AATK: variants seen among roughly 807,000 people sequenced by gnomAD.
The protein encoded by AATK is lemur tail kinase 1, also known as serine/threonine-protein kinase LMTK1.
AATK carries 91 observed loss-of-function variants against 114.3 expected under a neutral mutation model. That is an observed-to-expected ratio of 0.80 (90% CI 0.67 to 0.95). AATK has a LOEUF of 0.95. AATK is among the 40% of genes least tolerant of loss of function. AATK has a pLI of 0.00. For synonymous variants in AATK, 1,075 were observed against 916.5 expected (o/e 1.17, Z -3.12); for missense variants, 2,176 against 1,965.2 (o/e 1.11, Z -2.03).
chr17:81,147,587 T>A (rs2061238996), intron 1 of AATK, among the ~76,000 whole-genome samples: 2 of 151,618 alleles, frequency 1.3e-5, no homozygotes, highest in South Asian at 2.1e-4. Flanking sequence ...AAACCCCATT[T>A]AAAAAATAAA....
chr17:81,154,319 CTTT>C (rs202002919), intron 1 of AATK, among the ~76,000 whole-genome samples: 31,106 of 112,744 alleles, frequency 0.28, 3,251 homozygotes, highest in Middle Eastern at 0.41. Context: ...TTTTTTCTTT[CTTT>C]TTTTTTTTTT....
Position 81,120,008 on chromosome 17 carries a change from G to A in AATK, c.3811C>T (p.Pro1271Ser), listed in dbSNP as rs750238800. 4.1e-6 allele frequency: 6 copies of A among 1,448,544 alleles called. No individual in the cohort carries two copies. Among genetic ancestry groups the A allele is most frequent in the Non-Finnish European group, 5.5e-6 (6 of 1,100,514 alleles). 89.7% of individuals were successfully genotyped at this position (1,448,544 alleles called of 1,614,324 possible). A position where few individuals can be genotyped will look rare whatever the true frequency, so the allele number is the denominator to read the frequency against. ...CGGTTGGGGGCGCTGGGAGAGCCGG[G>A]GCTCCCCCTAAGGAACGTAGGGGGC... is the stretch of plus-strand genomic sequence containing the variant. ...ESPPTFLRGSPGSPSAPNRPQ... is the reference protein window; with the variant it reads ...ESPPTFLRGSSGSPSAPNRPQ... The change falls in exon 12 of 14, where the codon CCC (proline) becomes TCC (serine). Residue 1271 changes from proline to serine, a missense_variant. By Grantham distance (74) the Pro-to-Ser change is moderately conservative (BLOSUM62 -1). Coordinates refer to ENST00000326724, the MANE Select transcript of AATK (RefSeq NM_001080395.3).
chr17:81,137,988 GCA>G (rs925625833), intron 1 of AATK, among the ~76,000 whole-genome samples: 6 of 143,966 alleles, frequency 4.2e-5, no homozygotes, highest in African/African-American at 1.6e-4. Flanking sequence ...CCACACGCGT[GCA>G]CACACCCCCA....
At chr17:81,144,543 G>A (rs927488213) in intron 1 of AATK, among the ~76,000 whole-genome samples, 12 of 152,230 alleles carry the variant, frequency 7.9e-5, no homozygotes, top group South Asian at 6.2e-4. Context: ...CAGGGGGCCC[G>A]CAGGAGCCCA....
chr17:81,154,986 C>T (rs1326681021), intron 1 of AATK, among the ~76,000 whole-genome samples: 1 of 152,168 alleles, frequency 6.6e-6, no homozygotes, highest in East Asian at 1.9e-4. Flanking sequence ...GTGCTCTGTG[C>T]TTCATCTCCA....
chr17:81,162,624 C>T (rs1312131809), intron 1 of AATK, among the ~76,000 whole-genome samples: 2 of 152,166 alleles, frequency 1.3e-5, no homozygotes, highest in African/African-American at 4.8e-5. Context: ...CCTCCTCTGC[C>T]CTCTCCCCAT....
chr17:81,153,311 T>C (rs1480646793), intron 1 of AATK, among the ~76,000 whole-genome samples: 1 of 152,208 alleles, frequency 6.6e-6, no homozygotes, highest in African/African-American at 2.4e-5. Context: ...TGGATTTCAA[T>C]AGAGTCCCCA....
intron 1 of AATK, among the ~76,000 whole-genome samples, chr17:81,144,767 CTTAGA>C (rs1255682556): frequency 6.6e-6 from 1 of 152,216 alleles, no homozygotes; most frequent in African/African-American, 2.4e-5. Context: ...AAGACACTGC[CTTAGA>C]TGAAGCTCCC....
rs749746659 is a variant in AATK, at chr17:81,123,263, G to T, written c.1043C>A (p.Ala348Glu). 1 of 1,406,540 alleles carries T rather than the reference G, an allele frequency of 7.1e-7. No individual in the cohort carries two copies. The highest frequency in any genetic ancestry group is 1.5e-5 in the African/African-American group (1 of 66,144). 87.1% of individuals were successfully genotyped at this position (1,406,540 alleles called of 1,614,324 possible). A position where few individuals can be genotyped will look rare whatever the true frequency, so the allele number is the denominator to read the frequency against. The change falls in exon 10 of 14, where the codon GCG (alanine) becomes GAG (glutamate). Residue 348 changes from alanine to glutamate, a missense_variant. Ala to Glu is a moderately radical substitution (Grantham distance 107). This residue lies in a region of AATK where 273 missense variants were observed against 344.1 expected (regional missense o/e 0.79). Coordinates refer to ENST00000326724, the MANE Select transcript of AATK (RefSeq NM_001080395.3). ...GAGCTGCTGCTCCCGGACCGTGTAC[G>T]CCAGCACCTGCTGGTCCGAGTGCTG... ...YPQHSDQQVL[A>E]YTVREQQLKL...
chr17:81,125,780 C>T (rs1337132675), intron 7 of AATK: 8 of 400,770 alleles, frequency 2.0e-5, no homozygotes, highest in Non-Finnish European at 4.1e-5. Context: ...GGGATCGCTA[C>T]AGGGCCATGT....
At chr17:81,135,780 C>G (rs190083557) in intron 1 of AATK, 1 of 152,386 alleles carries the variant, frequency 6.6e-6, no homozygotes, top group East Asian at 1.9e-4. Context: ...TCCCCACACA[C>G]GAGGAAGAGG....
intron 1 of AATK, among the ~76,000 whole-genome samples, chr17:81,157,237 A>G (rs2146410072): frequency 6.6e-6 from 1 of 152,288 alleles, no homozygotes; most frequent in South Asian, 2.1e-4. Context: ...GAGAGGCCAC[A>G]TAAAATGTAA....
rs183928912 is a variant in AATK, at chr17:81,151,487, C to T, written c.55+14451G>A. Among the ~76,000 whole-genome samples, 677 of 152,202 alleles carry T rather than the reference C, an allele frequency of 4.4e-3. 3 individuals are homozygous for T. Among genetic ancestry groups the T allele is most frequent in the Middle Eastern group, 0.031 (9 of 294 alleles). On this transcript the variant is annotated intron_variant, in intron 1 of 13. Transcript: ENST00000326724. ...ATCCGAGGGGCAGCAGGCCACCTGA[C>T]GCCAGGCCCCCACGCGACCCAGTTC...
At position 81,122,598 on chromosome 17, in the gene AATK, G is replaced by A; in HGVS notation, c.1338C>T (p.Ser446=). ...CCGCGAACTGCTCCAGCAGCGGGAA[G>A]GACGAGGCAGCGGCGAGCTCCACCA... ...GGVVELAAAS[S]FPLLEQFAGD... is the part of the protein sequence containing the mutation. The change falls in exon 11 of 14, where the codon TCC becomes TCT. Residue 446 remains serine (S), a synonymous_variant. Coordinates refer to ENST00000326724, the MANE Select transcript of AATK (RefSeq NM_001080395.3). 1.4e-6 allele frequency: 2 copies of A among 1,433,880 alleles called. No individual in the cohort carries two copies. The highest frequency in any genetic ancestry group is 3.3e-5 in the East Asian group (1 of 30,430). The allele number at this position is 1,433,880 out of a possible 1,614,324, so 88.8% of individuals were successfully genotyped here.
chr17:81,129,954 C>T, intron 3 of AATK, among the ~76,000 whole-genome samples: 1 of 152,264 alleles, frequency 6.6e-6, no homozygotes, highest in East Asian at 1.9e-4. Flanking sequence ...CAGAGTAGGA[C>T]AGGCGTTGAG....
rs2060709386 is a variant in AATK, at chr17:81,122,275, G to A, written c.1661C>T (p.Pro554Leu). The A allele has an allele frequency of 5.3e-6, 8 of 1,498,876 alleles. No individual in the cohort carries two copies. The highest frequency in any genetic ancestry group is 1.8e-4 in the Middle Eastern group (1 of 5,498). The allele number at this position is 1,498,876 out of a possible 1,614,324, so 92.8% of individuals were successfully genotyped here. Residue 554 changes from proline to leucine, a missense_variant, in exon 11 of 14, where the codon CCA becomes CTA. Pro to Leu is a moderately conservative substitution (Grantham distance 98). Coordinates refer to ENST00000326724, the MANE Select transcript of AATK (RefSeq NM_001080395.3). ...GTCGTCCTGGTCCGCGGTGGCAGGT[G>A]GACTGGGGGCGCAGCCGGCGCAGTC... is the stretch of plus-strand genomic sequence containing the variant. ...DPDCAGCAPS[P>L]PATADQDDDS...
rs537662715 is a variant in AATK, at chr17:81,118,753, G to C, written c.4085-311C>G. ...ACCTGCCTGCTTGTTCAGCCACACA[G>C]GGGGCACCCTGCACCAGGGGTGAGG... is the stretch of plus-strand genomic sequence containing the variant. On this transcript the variant is annotated intron_variant, in intron 13 of 13. Transcript: ENST00000326724. 2.0e-5 allele frequency among the ~76,000 whole-genome samples: 3 copies of C among 152,210 alleles called. No individual in the cohort carries two copies. The East Asian group carries it at 5.8e-4, about 29-fold the overall frequency.
At chr17:81,157,254 G>A (rs1010401784) in intron 1 of AATK, among the ~76,000 whole-genome samples, 4 of 152,190 alleles carry the variant, frequency 2.6e-5, no homozygotes, top group Non-Finnish European at 5.9e-5. Context: ...GTAAGCTTCC[G>A]GGACAAGCCC....
intron 9 of AATK, among the ~76,000 whole-genome samples, chr17:81,123,739 G>A (rs1258771093): frequency 6.6e-6 from 1 of 151,752 alleles, no homozygotes; most frequent in East Asian, 2.0e-4. Context: ...GGAGGGGGAG[G>A]GAGGGGGAAG....
Sources: gnomAD v4.1 joint callset for allele counts (sites outside exome capture counted in the v4.1 genomes callset) on GRCh38, gnomAD v4.1.1 for gene constraint, gnomAD v4.1.1 regional missense constraint, MANE v1.5 for transcripts, NCBI Gene and HGNC (gene_info 2026-07-23, HGNC 2026-07-21) for gene names.